CEP192: variants seen among roughly 807,000 people sequenced by gnomAD.
CEP192 encodes centrosomal protein 192.
Under a neutral mutation model 271.8 loss-of-function variants are expected in CEP192, and 151 were observed. The observed-to-expected ratio is 0.56, with a 90% CI of 0.49 to 0.64. The LOEUF (loss-of-function observed/expected upper bound fraction) is 0.64, where lower values mean the gene tolerates loss of function less well. Among genes scored for constraint, CEP192 ranks in the 30% least tolerant of loss-of-function variants. The pLI, the probability that CEP192 is intolerant of heterozygous loss-of-function variation, is 0.00. For synonymous variants in CEP192, 995 were observed against 1,076.5 expected, an observed-to-expected ratio of 0.92 and a Z score of 1.48; for missense variants, 2,910 against 3,020.5, an observed-to-expected ratio of 0.96 and a Z score of 0.86.
At chr18:13,108,008 C>T (rs1170352842) in intron 40 of CEP192, among the ~76,000 whole-genome samples, 1 of 151,950 alleles carries the variant, frequency 6.6e-6, no homozygotes. Flanking sequence ...AACCTACAGC[C>T]ATCTGATCTT....
intron 13 of CEP192, 41 bp from the exon 14 acceptor site, chr18:13,040,789 T>A: frequency 6.7e-7 from 1 of 1,498,510 alleles, no homozygotes; most frequent in South Asian, 1.2e-5. Context: ...CTCAAAGCAG[T>A]TGAAAATCAA....
In CEP192 at chr18:13,089,582, G is replaced by A; in HGVS notation, c.6103+17G>A. The A allele has an allele frequency of 5.0e-6, 6 of 1,200,072 alleles. No individual in the cohort carries two copies. The East Asian group carries it at 1.4e-4, about 28-fold the overall frequency. 74.3% of individuals were successfully genotyped at this position (1,200,072 alleles called of 1,614,324 possible). ...TAACTGAAGGTAAGAATTCCGGCGT[G>A]TCTTGATGTATTAAATCTTTTGGGT... On this transcript the variant is annotated intron_variant, in intron 33 of 44. Transcript: ENST00000506447.
intron 40 of CEP192, among the ~76,000 whole-genome samples, chr18:13,111,921 G>T (rs750946619): frequency 6.6e-6 from 1 of 152,074 alleles, no homozygotes; most frequent in Non-Finnish European, 1.5e-5. Flanking sequence ...GAGAAATGAA[G>T]TATCACTTAA....
intron 33 of CEP192, among the ~76,000 whole-genome samples, chr18:13,090,603 G>A (rs1412383394): frequency 3.3e-5 from 5 of 152,094 alleles, no homozygotes; most frequent in Non-Finnish European, 5.9e-5. Context: ...TCATTAAGTG[G>A]GGGTCTAGAT....
intron 1 of CEP192, among the ~76,000 whole-genome samples, chr18:12,996,691 G>A (rs1432916974): frequency 6.6e-6 from 1 of 152,172 alleles, no homozygotes; most frequent in African/African-American, 2.4e-5. Flanking sequence ...GCTTGGTGGA[G>A]TTGGAGGAGA....
intron 1 of CEP192, among the ~76,000 whole-genome samples, chr18:12,995,686 T>C (rs2033184637): frequency 6.6e-6 from 1 of 152,138 alleles, no homozygotes; most frequent in African/African-American, 2.4e-5. Flanking sequence ...TGGTGGTCAG[T>C]ACTATAGAAC....
chr18:13,093,719 T>C (rs2039257744), intron 34 of CEP192, among the ~76,000 whole-genome samples: 2 of 152,252 alleles, frequency 1.3e-5, no homozygotes, highest in South Asian at 4.1e-4. Context: ...GTTTTGTACT[T>C]TGGTAATTAC....
intron 4 of CEP192, 120 bp from the exon 5 acceptor site, chr18:13,012,853 T>C (rs1225048923): frequency 5.0e-6 from 3 of 596,438 alleles, no homozygotes; most frequent in Non-Finnish European, 5.9e-6. Context: ...ATATACATCA[T>C]TTAAAAGTGC....
chr18:13,115,785 G>A (rs1032402920), intron 42 of CEP192, among the ~76,000 whole-genome samples: 1 of 152,168 alleles, frequency 6.6e-6, no homozygotes, highest in African/African-American at 2.4e-5. Context: ...GAGACTGAAG[G>A]TGTTTGAGCT....
At chr18:13,119,234 CTG>C (rs1399430852) in intron 44 of CEP192, among the ~76,000 whole-genome samples, 4 of 152,178 alleles carry the variant, frequency 2.6e-5, no homozygotes, top group Non-Finnish European at 5.9e-5. Context: ...ATCCTGAACA[CTG>C]TTATTATCTA....
chr18:13,075,662 A>G (rs1050885621), intron 30 of CEP192, among the ~76,000 whole-genome samples: 3 of 152,200 alleles, frequency 2.0e-5, no homozygotes, highest in Admixed American at 1.3e-4. Context: ...TCTGTTCTTT[A>G]TGAATTACCC....
intron 38 of CEP192, among the ~76,000 whole-genome samples, 197 bp downstream of exon 38, chr18:13,100,709 ACT>A (rs1412688281): frequency 2.6e-5 from 4 of 152,208 alleles, no homozygotes; most frequent in Non-Finnish European, 4.4e-5. Flanking sequence ...GCATTTACTA[ACT>A]CTGTGTATTC....
chr18:13,013,030 C>A lies in CEP192; in HGVS notation c.519+5C>A. ...ATGAATAATAAGGAACCCAAGGTAA[C>A]CTTTTATATATTTGGTATCATTTTC... On this transcript the variant is annotated splice_donor_5th_base_variant and intron_variant, in intron 5 of 44. Coordinates refer to ENST00000506447, the MANE Select transcript of CEP192 (RefSeq NM_032142.4). 1.4e-6 allele frequency: 2 copies of A among 1,403,042 alleles called. No individual in the cohort carries two copies. The highest frequency in any genetic ancestry group is 2.0e-6 in the Non-Finnish European group (2 of 1,015,460). 86.9% of individuals were successfully genotyped at this position (1,403,042 alleles called of 1,614,324 possible). A position where few individuals can be genotyped will look rare whatever the true frequency, so the allele number is the denominator to read the frequency against.
intron 26 of CEP192, 43 bp from the exon 27 acceptor site, chr18:13,069,695 T>C (rs1309269973): frequency 1.7e-6 from 2 of 1,210,980 alleles, no homozygotes; most frequent in African/African-American, 3.1e-5. Context: ...AAACTGCGTT[T>C]TTGTAAGTCG....
At chr18:13,050,272 A>G (rs1598450717) in intron 17 of CEP192, among the ~76,000 whole-genome samples, 1 of 152,354 alleles carries the variant, frequency 6.6e-6, no homozygotes, top group East Asian at 1.9e-4. Flanking sequence ...TTTATAAAAG[A>G]TCTTTAATAT....
chr18:13,031,031 CA>C (rs139614155), intron 11 of CEP192, among the ~76,000 whole-genome samples: 2,706 of 152,226 alleles, frequency 0.018, 89 homozygotes, highest in African/African-American at 0.062. Flanking sequence ...AGTGAAATCT[CA>C]AGGGATAAAA....
chr18:13,017,075 A>T, intron 6 of CEP192, 113 bp from the exon 7 acceptor site: 1 of 743,210 alleles, frequency 1.3e-6, no homozygotes, highest in South Asian at 2.1e-5. Flanking sequence ...CAAAAAAGAC[A>T]CCAAAATCTT....
At chr18:13,066,092 A>T (rs1388833270) in intron 21 of CEP192, among the ~76,000 whole-genome samples, 22 of 152,198 alleles carry the variant, frequency 1.4e-4, no homozygotes, top group Non-Finnish European at 8.8e-5. Flanking sequence ...CAATAATGAG[A>T]TGTCTAACTA....
chr18:13,026,595 T>C (rs1371926541), intron 9 of CEP192, among the ~76,000 whole-genome samples: 3 of 152,216 alleles, frequency 2.0e-5, no homozygotes, highest in African/African-American at 7.2e-5. Flanking sequence ...ATTGTTGTCT[T>C]TGCATTCAGT....
Sources: allele counts gnomAD v4.1 joint callset (sites outside exome capture counted in the v4.1 genomes callset), GRCh38; gene constraint gnomAD v4.1.1; transcripts MANE v1.5; gene names NCBI Gene and HGNC (gene_info 2026-07-23, HGNC 2026-07-21).